Variants in POLR3A observed in about 807,000 individuals in gnomAD.
POLR3A encodes DNA-directed RNA polymerase III subunit RPC1.
A neutral mutation model predicts 152.8 loss-of-function variants in POLR3A; 112 were observed. The observed-to-expected ratio is 0.73, with a 90% CI of 0.63 to 0.86. The LOEUF is 0.86. POLR3A is among the 40% of genes least tolerant of loss of function. The probability of loss-of-function intolerance (pLI) is 0.00; values close to 1 mark genes in which losing one functional copy is unlikely to be tolerated. For missense variants in POLR3A, 1,385 were observed against 1,743.1 expected (o/e 0.79, Z 3.66); for synonymous variants, 615 against 652.1 (o/e 0.94, Z 0.87).
chr10:77,978,838 T>A (rs1847113775), intron 30 of POLR3A, among the ~76,000 whole-genome samples: 1 of 151,142 alleles, frequency 6.6e-6, no homozygotes, highest in African/African-American at 2.4e-5. Context: ...TTTTTATATT[T>A]TTTTTAGTAG....
chr10:78,006,277 G>A (rs1321248816), intron 15 of POLR3A, among the ~76,000 whole-genome samples: 1 of 151,270 alleles, frequency 6.6e-6, no homozygotes, highest in African/African-American at 2.4e-5. Context: ...GGCACCTGTA[G>A]TCCCAGTTAC....
chr10:78,023,125 T>G (rs1847596139), intron 5 of POLR3A, among the ~76,000 whole-genome samples: 1 of 150,382 alleles, frequency 6.6e-6, no homozygotes, highest in Non-Finnish European at 1.5e-5. Flanking sequence ...GCCATTGCAC[T>G]CCAGCCTAAG....
chr10:78,025,680 T>A lies in POLR3A; in HGVS notation c.260A>T (p.Asp87Val). The change falls in exon 3 of 31, where the codon GAC (aspartate) becomes GTC (valine). Residue 87 changes from aspartate to valine, a missense_variant. Asp to Val is a radical substitution (Grantham distance 152). Coordinates refer to ENST00000372371, the MANE Select transcript of POLR3A (RefSeq NM_007055.4). ...ADCLGHYGYI[D>V]LELPCFHVGY... ...TACATGAAAACACGGCAACTCCAGG[T>A]CGATATACCCATAGTGGCCTAGACA... The A allele has an allele frequency of 6.2e-7, 1 of 1,613,982 alleles. No homozygotes were observed. Among genetic ancestry groups the A allele is most frequent in the Non-Finnish European group, 8.5e-7 (1 of 1,179,932 alleles).
At chr10:78,004,023 CAGG>C (rs1018139071) in intron 16 of POLR3A, among the ~76,000 whole-genome samples, 23 of 147,550 alleles carry the variant, frequency 1.6e-4, no homozygotes, top group African/African-American at 5.6e-4. Flanking sequence ...ATCACGAGGT[CAGG>C]AGATCGAGAC....
intron 8 of POLR3A, among the ~76,000 whole-genome samples, chr10:78,020,571 G>A (rs527822549): frequency 6.6e-6 from 1 of 151,718 alleles, no homozygotes; most frequent in Non-Finnish European, 1.5e-5. Flanking sequence ...GGCGGATCAC[G>A]AGGTCAGGAG....
chr10:78,019,822 T>C (rs1448686476), intron 8 of POLR3A: 2 of 154,520 alleles, frequency 1.3e-5, no homozygotes, highest in Non-Finnish European at 2.9e-5. Flanking sequence ...TAGGTAAAGC[T>C]AATCAATATT....
chr10:77,989,318 C>A (rs1589305646), intron 21 of POLR3A, among the ~76,000 whole-genome samples: 2 of 152,294 alleles, frequency 1.3e-5, no homozygotes, highest in African/African-American at 4.8e-5. Flanking sequence ...GGGCTCAATG[C>A]CACTCAGGAG....
chr10:78,005,297 G>A (rs1309305779), intron 15 of POLR3A, among the ~76,000 whole-genome samples: 1 of 152,208 alleles, frequency 6.6e-6, no homozygotes, highest in Non-Finnish European at 1.5e-5. Context: ...AGATGTTTGT[G>A]ATCAGCCTCA....
chr10:78,028,921 C>G (rs1271873193), intron 1 of POLR3A, among the ~76,000 whole-genome samples: 1 of 152,096 alleles, frequency 6.6e-6, no homozygotes, highest in Non-Finnish European at 1.5e-5. Flanking sequence ...GCCTGTGGTA[C>G]AGCTTTCTAG....
Position 78,021,949 on chromosome 10 carries a change from T to C in POLR3A, c.959A>G (p.Tyr320Cys). The change falls in exon 7 of 31, where the codon TAC (tyrosine) becomes TGC (cysteine). Residue 320 changes from tyrosine to cysteine, a missense_variant. Physicochemically the swap from Tyr to Cys is radical, Grantham distance 194. Transcript: ENST00000372371. ...WDFLQLQCAL[Y>C]INSELSGIPL... is the part of the protein sequence containing the mutation. ...AATGCCCGAGAGCTCACTGTTAATG[T>C]AGAGGGCACACTGCAGCTGCAGGAA... is the stretch of plus-strand genomic sequence containing the variant. 6.2e-7 allele frequency: 1 copy of C among 1,614,156 alleles called. No individual in the cohort carries two copies. The highest frequency in any genetic ancestry group is 1.1e-5 in the South Asian group (1 of 91,084).
rs894497876 is a variant in POLR3A, at chr10:77,993,253, C to G, written c.2731G>C (p.Ala911Pro). Reference protein sequence around the residue: ...IYGGDGLDPAAMEGKDEPLEF... With the variant: ...IYGGDGLDPAPMEGKDEPLEF... ...AAAGGTTCATCTTTTCCCTCCATAGCTGCAGGATCTAAGCCATCTCCTCCA... is the reference window on the plus strand; with the variant it reads ...AAAGGTTCATCTTTTCCCTCCATAGGTGCAGGATCTAAGCCATCTCCTCCA... Residue 911 changes from alanine to proline, a missense_variant, in exon 20 of 31, where the codon GCT becomes CCT. Around this residue, in one of 7 missense-constraint regions of POLR3A, gnomAD observed 178 missense variants for 204.6 expected, o/e 0.87. Transcript: ENST00000372371. The G allele has an allele frequency of 8.1e-6, 13 of 1,613,658 alleles. No individual in the cohort carries two copies. The highest frequency in any genetic ancestry group is 1.0e-5 in the Non-Finnish European group (12 of 1,179,560).
Position 77,993,299 on chromosome 10 carries a change from G to A in POLR3A, c.2685C>T (p.Gly895=), listed in dbSNP as rs572919098. 40 of 1,609,874 alleles carry A rather than the reference G, an allele frequency of 2.5e-5. No homozygotes were observed. Among genetic ancestry groups the A allele is most frequent in the South Asian group, 1.9e-4 (17 of 90,980 alleles). The change falls in exon 20 of 31, where the codon GGC becomes GGT. Residue 895 remains glycine (G), a synonymous_variant. Transcript: ENST00000372371. ...CTCCATAAATGAACTGGATAATATC[G>A]CCAGTAGAGCTTCGGACTGTCAGAT... ...QYDLTVRSST[G]DIIQFIYGGD...
chr10:78,014,462 G>C (rs1445409048), intron 10 of POLR3A, among the ~76,000 whole-genome samples: 1 of 152,088 alleles, frequency 6.6e-6, no homozygotes, highest in Non-Finnish European at 1.5e-5. Flanking sequence ...TGTTGTCCTG[G>C]CTGGAGTGCA....
intron 5 of POLR3A, among the ~76,000 whole-genome samples, chr10:78,023,711 G>A (rs556501198): frequency 4.6e-5 from 7 of 151,880 alleles, no homozygotes; most frequent in Non-Finnish European, 8.8e-5. Context: ...CTAGGAGGTC[G>A]GGGCTGCAAT....
chr10:77,994,497 T>C (rs1246924558), intron 19 of POLR3A, among the ~76,000 whole-genome samples: 3 of 144,460 alleles, frequency 2.1e-5, no homozygotes, highest in African/African-American at 7.7e-5. Context: ...AAAACATTAC[T>C]TAAAAAAAAA....
Position 77,994,259 on chromosome 10 carries a change from G to A in POLR3A, c.2617-892C>T, listed in dbSNP as rs146327928. Among the ~76,000 whole-genome samples, 320 of 152,262 alleles carry A rather than the reference G, an allele frequency of 2.1e-3. 2 individuals carry two copies. The highest frequency in any genetic ancestry group is 3.4e-3 in the Middle Eastern group (1 of 294). ...ATCAGATGATACACGAGCTACAGGA[G>A]AGATGATGGAAATAGGCGTCTACTG... On this transcript the variant is annotated intron_variant, in intron 19 of 30. Transcript: ENST00000372371.
intron 5 of POLR3A, among the ~76,000 whole-genome samples, chr10:78,023,415 G>A (rs917152767): frequency 1.3e-5 from 2 of 151,768 alleles, no homozygotes; most frequent in Non-Finnish European, 2.9e-5. Flanking sequence ...AGCCTAGATC[G>A]TGCAACCGCA....
rs766289189 is a variant in POLR3A at position 78,026,152 on chromosome 10, A to G, written c.122T>C (p.Leu41Pro). Residue 41 changes from leucine to proline, a missense_variant, in exon 2 of 31, where the codon CTG becomes CCG. Leu to Pro is a moderately conservative substitution (Grantham distance 98). This residue lies in a region of POLR3A where 493 missense variants were observed against 647.5 expected (regional missense o/e 0.76). Coordinates refer to ENST00000372371, the MANE Select transcript of POLR3A (RefSeq NM_007055.4). ...QAHIQVVSKN[L>P]YSQDNQHAPL... ...GGCATGTTGGTTGTCCTGGCTGTAC[A>G]GGTTCTTACTCACAACTTGGATGTG... The G allele has an allele frequency of 1.2e-6, 2 of 1,614,120 alleles. No homozygotes were observed. Among genetic ancestry groups the G allele is most frequent in the Non-Finnish European group, 1.7e-6 (2 of 1,180,042 alleles).
chr10:77,998,963 A>T (rs1224222673), intron 19 of POLR3A, among the ~76,000 whole-genome samples: 2 of 152,226 alleles, frequency 1.3e-5, no homozygotes, highest in African/African-American at 2.4e-5. Context: ...ATGGAATACT[A>T]TGCAGCCATA....
Sources: gnomAD v4.1 joint callset for allele counts (sites outside exome capture counted in the v4.1 genomes callset) on GRCh38, gnomAD v4.1.1 for gene constraint, gnomAD v4.1.1 regional missense constraint, MANE v1.5 for transcripts, NCBI Gene and HGNC (gene_info 2026-07-23, HGNC 2026-07-21) for gene names.